The following BTN1A1 variants were observed in gnomAD, a reference collection of about 807,000 sequenced individuals.
The protein encoded by BTN1A1 is bK14H9.2 (butyrophilin, subfamily 1, member A1).
Under a neutral mutation model 33.1 loss-of-function variants are expected in BTN1A1, and 26 were observed. The observed-to-expected ratio is 0.79, with a 90% CI of 0.58 to 1.09. The LOEUF (loss-of-function observed/expected upper bound fraction) is 1.09, where lower values mean the gene tolerates loss of function less well. BTN1A1 is among the 50% of genes least tolerant of loss of function. BTN1A1 has a pLI of 0.00. For missense variants in BTN1A1, 558 were observed against 655.7 expected, an observed-to-expected ratio of 0.85 and a Z score of 1.63; for synonymous variants, 235 against 256.2, an observed-to-expected ratio of 0.92 and a Z score of 0.79.
chr6:26,507,721 TA>T (rs1554139273), intron 5 of BTN1A1, among the ~76,000 whole-genome samples: 2 of 147,940 alleles, frequency 1.4e-5, no homozygotes, highest in African/African-American at 2.5e-5. Context: ...TGAGATTCTA[TA>T]AAAAAAAAAT....
At position 26,506,774 on chromosome 6, in the gene BTN1A1, C is replaced by G; in HGVS notation, c.801C>G (p.Phe267Leu). The G allele has an allele frequency of 3.1e-6, 5 of 1,614,044 alleles. No individual in the cohort carries two copies. Among genetic ancestry groups the G allele is most frequent in the Non-Finnish European group, 3.4e-6 (4 of 1,179,990 alleles). The change falls in exon 5 of 8, where the codon TTC (phenylalanine) becomes TTG (leucine). Residue 267 changes from phenylalanine (F) to leucine (L), a missense_variant. Transcript: ENST00000684113. ...TTCTCACCATTGGGTCCATATTTTT[C>G]ACTTGGAGACTATACAACGAAAGAC... The part of the protein sequence containing the change: ...LGLLTIGSIF[F>L]TWRLYNERPR...
chr6:26,506,123 C>CAAAAA (rs34524548), intron 4 of BTN1A1, among the ~76,000 whole-genome samples: 1 of 130,094 alleles, frequency 7.7e-6, no homozygotes, highest in Non-Finnish European at 1.6e-5. Flanking sequence ...GACTGCATCT[C>CAAAAA]AAAAAAAAAA....
chr6:26,508,180 T>A (rs1414103278), intron 7 of BTN1A1, 93 bp downstream of exon 7: 3 of 1,413,392 alleles, frequency 2.1e-6, no homozygotes, highest in Non-Finnish European at 1.9e-6. Context: ...ACTAACACTT[T>A]AGTGATGAGG....
intron 7 of BTN1A1, 101 bp from the exon 8 acceptor site, chr6:26,508,400 G>C (rs1483900347): frequency 7.4e-7 from 1 of 1,348,002 alleles, no homozygotes; most frequent in Non-Finnish European, 1.0e-6. Flanking sequence ...CAGAAGACCT[G>C]TCAACTCCTA....
chr6:26,503,536 A>G (rs147133553), intron 3 of BTN1A1, among the ~76,000 whole-genome samples: 54 of 151,594 alleles, frequency 3.6e-4, no homozygotes, highest in African/African-American at 1.2e-3. Flanking sequence ...TTCTAAAAAC[A>G]TTATAGACTT....
chr6:26,508,459 T>C, intron 7 of BTN1A1, 42 bp from the exon 8 acceptor site: 1 of 1,561,390 alleles, frequency 6.4e-7, no homozygotes, highest in Non-Finnish European at 8.7e-7. Context: ...CTGCAACCTG[T>C]AATATTCACT....
chr6:26,510,327 C>G lies in BTN1A1; in HGVS notation c.*1153C>G, dbSNP rs566565321. On this transcript the variant is annotated 3_prime_UTR_variant, in exon 8 of 8. Transcript: ENST00000684113. ...ATGTGGCTTGTCTTGCCAATAGACT[C>G]CAGGCTTATACCTTCCATTTCCATC... is the stretch of plus-strand genomic sequence containing the variant. 1 of 152,410 alleles carries G rather than the reference C, an allele frequency of 6.6e-6. No homozygotes were observed. The highest frequency in any genetic ancestry group is 1.5e-5 in the Non-Finnish European group (1 of 68,068). 9.4% of individuals were successfully genotyped at this position (152,410 alleles called of 1,614,324 possible).
chr6:26,505,296 CAG>C, intron 4 of BTN1A1, 90 bp downstream of exon 4: 1 of 1,336,460 alleles, frequency 7.5e-7, no homozygotes, highest in Non-Finnish European at 1.0e-6. Context: ...GACCTCATGG[CAG>C]AGTTGTCTAC....
Position 26,505,130 on chromosome 6 carries a change from T to C in BTN1A1, c.633T>C (p.Thr211=). 6.2e-7 allele frequency: 1 copy of C among 1,614,026 alleles called. No individual in the cohort carries two copies. Among genetic ancestry groups the C allele is most frequent in the East Asian group, 2.2e-5 (1 of 44,878 alleles). Reference sequence around the variant, plus strand: ...CTGCTTCAGTGATCATCAGAGACACTTCTGCGAAAAATGTGTCCTGCTACA... The same window carrying C: ...CTGCTTCAGTGATCATCAGAGACACCTCTGCGAAAAATGTGTCCTGCTACA... ...TVAASVIIRD[T]SAKNVSCYIQ... is the part of the protein sequence containing the mutation. The change falls in exon 4 of 8, where the codon ACT becomes ACC. Residue 211 remains threonine (T), a synonymous_variant. Coordinates refer to ENST00000684113, the MANE Select transcript of BTN1A1 (RefSeq NM_001732.3).
At chr6:26,502,205 C>A (rs997507420) in intron 3 of BTN1A1, among the ~76,000 whole-genome samples, 3 of 152,162 alleles carry the variant, frequency 2.0e-5, no homozygotes, top group African/African-American at 7.2e-5. Context: ...AAGCTGACTG[C>A]CAGGAAACAA....
In BTN1A1 at chr6:26,508,821, C is replaced by T. The variant is rs867351766; in HGVS notation, c.1228C>T (p.Arg410Trp). ...GNGYWALTPL[R>W]TPLPLAGPPR... ...TGGGTACTGGGCCCTCACTCCTCTC[C>T]GGACCCCTCTCCCATTGGCAGGGCC... The change falls in exon 8 of 8, where the codon CGG (arginine) becomes TGG (tryptophan). Residue 410 changes from arginine (R) to tryptophan (W), a missense_variant. Transcript: ENST00000684113. The T allele has an allele frequency of 6.2e-6, 10 of 1,614,054 alleles. No homozygotes were observed. The highest frequency in any genetic ancestry group is 4.5e-5 in the East Asian group (2 of 44,886).
chr6:26,509,257 C>G lies in BTN1A1; in HGVS notation c.*83C>G, dbSNP rs367629298. 5.8e-5 allele frequency: 75 copies of G among 1,283,200 alleles called. 1 individual carries two copies. In the African/African-American group the frequency reaches 7.2e-4, roughly 12 times the overall value. The allele number at this position is 1,283,200 out of a possible 1,614,324, so 79.5% of individuals were successfully genotyped here. ...TGAGGCTTCACCTGCTAGCTTTACCCAGTCTGTTTCTTCCTGTTGGGTGGC... is the reference window on the plus strand; with the variant it reads ...TGAGGCTTCACCTGCTAGCTTTACCGAGTCTGTTTCTTCCTGTTGGGTGGC... On this transcript the variant is annotated 3_prime_UTR_variant, in exon 8 of 8. Transcript: ENST00000684113.
intron 7 of BTN1A1, among the ~76,000 whole-genome samples, 165 bp from the exon 8 acceptor site, chr6:26,508,336 G>A (rs1763898161): frequency 6.6e-6 from 1 of 152,132 alleles, no homozygotes; most frequent in Non-Finnish European, 1.5e-5. Flanking sequence ...GCTGGTAAGG[G>A]GGGATCCTGT....
chr6:26,501,572 C>T lies in BTN1A1; in HGVS notation c.80-18C>T, dbSNP rs757003290. ...TCCCATCTCCACATCCCGTCTGATC[C>T]CGCTCGTTTTTCGGCAGCTCCCTTT... On this transcript the variant is annotated intron_variant, in intron 2 of 7. Transcript: ENST00000684113. This position sits in a 1 kb window ranked among gnomAD's most constrained non-coding sequence, Gnocchi z 5.2. 2.5e-5 allele frequency: 41 copies of T among 1,611,426 alleles called. No homozygotes were observed. The highest frequency in any genetic ancestry group is 1.7e-4 in the Middle Eastern group (1 of 6,028).
chr6:26,507,721 T>TAAAAAAAAA (rs1554139273), intron 5 of BTN1A1, among the ~76,000 whole-genome samples: 5 of 147,946 alleles, frequency 3.4e-5, no homozygotes, highest in African/African-American at 1.2e-4. Context: ...TGAGATTCTA[T>TAAAAAAAAA]AAAAAAAAAA....
In BTN1A1 at chr6:26,509,954, C is replaced by T. The variant is rs984888265; in HGVS notation, c.*780C>T. The T allele has an allele frequency of 3.9e-5, 6 of 152,282 alleles. No homozygotes were observed. The highest frequency in any genetic ancestry group is 1.4e-4 in the African/African-American group (6 of 41,434). 9.4% of individuals were successfully genotyped at this position (152,282 alleles called of 1,614,324 possible). On this transcript the variant is annotated 3_prime_UTR_variant, in exon 8 of 8. Transcript: ENST00000684113. ...CTCCCTTGCCTGGAAGTCATTCCAC[C>T]CTCAATTTGTTGATCCACAAGTTTC...
chr6:26,505,970 T>A (rs1763864547), intron 4 of BTN1A1, among the ~76,000 whole-genome samples: 1 of 151,730 alleles, frequency 6.6e-6, no homozygotes, highest in African/African-American at 2.4e-5. Context: ...TACAAAAAAA[T>A]TAGCCAGGCA....
At chr6:26,500,928 A>G (rs1196369832) in intron 1 of BTN1A1, among the ~76,000 whole-genome samples, 1 of 152,200 alleles carries the variant, frequency 6.6e-6, no homozygotes, top group East Asian at 1.9e-4. Context: ...TAAATAAATA[A>G]ATAAATAAAA....
In BTN1A1 at chr6:26,508,634, G is replaced by T. The variant is rs1341104416; in HGVS notation, c.1041G>T (p.Val347=). ...KTERFDSWPC[V]LGRETFTSGR... Reference sequence around the variant, plus strand: ...AGAGATTTGACTCCTGGCCCTGTGTGTTGGGCCGTGAGACCTTCACCTCAG... The same window carrying T: ...AGAGATTTGACTCCTGGCCCTGTGTTTTGGGCCGTGAGACCTTCACCTCAG... Residue 347 remains valine, a synonymous_variant, in exon 8 of 8, where the codon GTG becomes GTT. Transcript: ENST00000684113. The T allele has an allele frequency of 1.2e-6, 2 of 1,614,204 alleles. No individual in the cohort carries two copies. Among genetic ancestry groups the T allele is most frequent in the Non-Finnish European group, 1.7e-6 (2 of 1,180,040 alleles).
Sources: gnomAD v4.1 joint callset for allele counts (sites outside exome capture counted in the v4.1 genomes callset) on GRCh38, gnomAD v4.1.1 for gene constraint, Gnocchi (gnomAD v3.1) non-coding constraint, MANE v1.5 for transcripts, NCBI Gene and HGNC (gene_info 2026-07-23, HGNC 2026-07-21) for gene names.